The following HDLBP variants were observed in gnomAD, a reference collection of about 807,000 sequenced individuals.
The protein encoded by HDLBP is vigilin.
A neutral mutation model predicts 137.3 loss-of-function variants in HDLBP; 30 were observed. The ratio of observed to expected loss-of-function variants is 0.22; its 90% CI spans 0.16 to 0.30. HDLBP has a LOEUF of 0.30. HDLBP is among the 10% of genes least tolerant of loss of function. The probability of loss-of-function intolerance (pLI) is 1.00; values close to 1 mark genes in which losing one functional copy is unlikely to be tolerated. For missense variants in HDLBP, 1,119 were observed against 1,667.3 expected, an observed-to-expected ratio of 0.67 and a Z score of 5.73; for synonymous variants, 606 against 596.0, an observed-to-expected ratio of 1.02 and a Z score of -0.24.
intron 1 of HDLBP, among the ~76,000 whole-genome samples, chr2:241,284,813 C>T (rs557167342): frequency 2.9e-4 from 44 of 152,292 alleles, no homozygotes; most frequent in African/African-American, 9.6e-4. Context: ...GCGAGACCTT[C>T]CAGCAGCAAA....
chr2:241,269,042 T>G (rs959449279), intron 1 of HDLBP: 5 of 152,256 alleles, frequency 3.3e-5, no homozygotes, highest in African/African-American at 9.6e-5. Context: ...TATTTTGCAG[T>G]TACTTTGTTC....
chr2:241,238,564 G>T lies in HDLBP; in HGVS notation c.2749+85C>A. 1 of 1,085,352 alleles carries T rather than the reference G, an allele frequency of 9.2e-7. No individual in the cohort carries two copies. The highest frequency in any genetic ancestry group is 1.3e-6 in the Non-Finnish European group (1 of 781,848). The allele number at this position is 1,085,352 out of a possible 1,614,324, so 67.2% of individuals were successfully genotyped here. A position where few individuals can be genotyped will look rare whatever the true frequency, so the allele number is the denominator to read the frequency against. On this transcript the variant is annotated intron_variant, in intron 20 of 27. Coordinates refer to ENST00000310931, the MANE Select transcript of HDLBP (RefSeq NM_005336.6). This position sits in a 1 kb window ranked among gnomAD's most constrained non-coding sequence, Gnocchi z 4.9. The stretch of plus-strand genomic sequence containing the variant: ...GGTTTTCCAGCAGAGACAGGAAAGA[G>T]CCTCACCAGTATGTGCGACAGCCCC...
chr2:241,267,543 A>T, intron 2 of HDLBP: 1 of 1,527,104 alleles, frequency 6.5e-7, no homozygotes. Context: ...CCTAACAGCG[A>T]CCTTGGTTAT....
rs2072342510 is a variant in HDLBP, at chr2:241,253,256, A to T, written c.1293+137T>A. On this transcript the variant is annotated intron_variant, in intron 10 of 27. Coordinates refer to ENST00000310931, the MANE Select transcript of HDLBP (RefSeq NM_005336.6). The stretch of plus-strand genomic sequence containing the variant: ...TCGACCAGCTTCTGGTTGTTTCAGA[A>T]CCTATTACTCACCCAGCTAGGATGC... 6.7e-6 allele frequency: 5 copies of T among 744,886 alleles called. No homozygotes were observed. The South Asian group carries it at 7.5e-5, about 11-fold the overall frequency. The allele number at this position is 744,886 out of a possible 1,614,324, so 46.1% of individuals were successfully genotyped here.
intron 1 of HDLBP, among the ~76,000 whole-genome samples, chr2:241,291,856 T>C (rs772867233): frequency 2.6e-5 from 4 of 152,138 alleles, no homozygotes; most frequent in African/African-American, 4.8e-5. Context: ...GAAGGGGCCA[T>C]AGCCAAAAAA....
At chr2:241,260,375 T>C (rs78538594) in intron 5 of HDLBP, among the ~76,000 whole-genome samples, 3,142 of 152,232 alleles carry the variant, frequency 0.021, 52 homozygotes, top group Middle Eastern at 0.12. Flanking sequence ...GGGGACCCAC[T>C]GGCCAAAGAT....
intron 1 of HDLBP, among the ~76,000 whole-genome samples, chr2:241,298,972 C>T (rs897483372): frequency 5.9e-5 from 9 of 152,156 alleles, no homozygotes; most frequent in Non-Finnish European, 1.2e-4. Flanking sequence ...AATGAGAATG[C>T]GCTGCCTGAT....
At chr2:241,231,167 C>T in intron 24 of HDLBP, 1 of 481,130 alleles carries the variant, frequency 2.1e-6, no homozygotes, top group South Asian at 2.5e-5. Flanking sequence ...GGCGGATCAC[C>T]TGAGGTCCGG....
intron 1 of HDLBP, among the ~76,000 whole-genome samples, chr2:241,303,349 G>A (rs1268217151): frequency 6.6e-6 from 1 of 152,198 alleles, no homozygotes; most frequent in Non-Finnish European, 1.5e-5. Context: ...ACTCATTTAT[G>A]CAGTCCCCAG....
chr2:241,231,386 AAAAAAAAAAAC>A (rs1251187778), intron 24 of HDLBP: 6 of 152,234 alleles, frequency 3.9e-5, no homozygotes, highest in Non-Finnish European at 7.3e-5. Flanking sequence ...TCCATCTCAA[AAAAAAAAAAAC>A]AAAAAAAAAA....
At chr2:241,275,150 T>G (rs2074342283) in intron 1 of HDLBP, among the ~76,000 whole-genome samples, 1 of 151,762 alleles carries the variant, frequency 6.6e-6, no homozygotes, top group African/African-American at 2.4e-5. Context: ...TAGCCCAAAC[T>G]GAGATATTAA....
At chr2:241,271,695 C>T (rs1233175900) in intron 1 of HDLBP, among the ~76,000 whole-genome samples, 2 of 151,922 alleles carry the variant, frequency 1.3e-5, no homozygotes, top group Non-Finnish European at 2.9e-5. Context: ...CCCGCAAGTG[C>T]TTTAAAGCAC....
chr2:241,257,991 C>A (rs1246234927), intron 5 of HDLBP, among the ~76,000 whole-genome samples: 1 of 152,200 alleles, frequency 6.6e-6, no homozygotes, highest in African/African-American at 2.4e-5. Context: ...AGTGATGGCA[C>A]GCCTGTAATC....
intron 2 of HDLBP, 26 bp downstream of exon 2, chr2:241,268,451 A>G: frequency 5.1e-6 from 5 of 985,898 alleles, no homozygotes; most frequent in Non-Finnish European, 6.0e-6. Context: ...CAGGGACAGG[A>G]AGTCTTCAGA....
intron 1 of HDLBP, among the ~76,000 whole-genome samples, chr2:241,290,038 C>T (rs2074959408): frequency 6.6e-6 from 1 of 152,018 alleles, no homozygotes; most frequent in Non-Finnish European, 1.5e-5. Context: ...TGCAGTGAAG[C>T]AACACATAGC....
At chr2:241,266,975 A>C in intron 2 of HDLBP, 69 bp from the exon 3 acceptor site, 1 of 1,178,702 alleles carries the variant, frequency 8.5e-7, no homozygotes, top group Non-Finnish European at 1.3e-6. Flanking sequence ...TGTTAACCTA[A>C]GAGTTTTAGC....
chr2:241,281,043 A>G (rs2074577620), intron 1 of HDLBP, among the ~76,000 whole-genome samples: 1 of 152,250 alleles, frequency 6.6e-6, no homozygotes, highest in Non-Finnish European at 1.5e-5. Flanking sequence ...TGTGTCAGAT[A>G]AATACAATTT....
chr2:241,236,300 A>AG, intron 21 of HDLBP: 2 of 370,748 alleles, frequency 5.4e-6, no homozygotes, highest in Non-Finnish European at 4.9e-6. Context: ...TTGCAACTGG[A>AG]GGTCACATTC....
At chr2:241,236,942 T>A (rs1226750193) in intron 20 of HDLBP, among the ~76,000 whole-genome samples, 173 bp from the exon 21 acceptor site, 1 of 127,044 alleles carries the variant, frequency 7.9e-6, no homozygotes, top group Non-Finnish European at 1.6e-5. Context: ...AGATAGGACG[T>A]CCCCACAGCA....
Sources: gnomAD v4.1 joint callset for allele counts (sites outside exome capture counted in the v4.1 genomes callset) on GRCh38, gnomAD v4.1.1 for gene constraint, Gnocchi (gnomAD v3.1) non-coding constraint, MANE v1.5 for transcripts, NCBI Gene and HGNC (gene_info 2026-07-23, HGNC 2026-07-21) for gene names.